Variants in CHD1 observed in about 807,000 individuals in gnomAD.
The protein encoded by CHD1 is chromodomain helicase DNA binding protein 1.
CHD1 carries 36 observed loss-of-function variants against 224.2 expected under a neutral mutation model. That is an observed-to-expected ratio of 0.16 (90% CI 0.12 to 0.21). The LOEUF is 0.21. CHD1 is among the 10% of genes least tolerant of loss of function. The probability of loss-of-function intolerance (pLI) is 1.00; values close to 1 mark genes in which losing one functional copy is unlikely to be tolerated. For synonymous variants in CHD1, 668 were observed against 658.3 expected (o/e 1.01, Z -0.23); for missense variants, 1,378 against 1,994.8 (o/e 0.69, Z 5.89).
Position 98,854,935 on chromosome 5 carries a change from T to C in CHD1, c.*1445A>G, listed in dbSNP as rs557206265. The C allele has an allele frequency of 4.6e-4, 70 of 152,210 alleles. No homozygotes were observed. The highest frequency in any genetic ancestry group is 1.7e-3 in the African/African-American group (69 of 41,542). The allele number at this position is 152,210 out of a possible 1,614,324, so 9.4% of individuals were successfully genotyped here. On this transcript the variant is annotated 3_prime_UTR_variant, in exon 36 of 36. Transcript: ENST00000614616. Reference sequence around the variant, plus strand: ...ATAAAACAAAATAAAAATCTGTGAATAAATATAAAGCATCCCATAATAATA... The same window carrying C: ...ATAAAACAAAATAAAAATCTGTGAACAAATATAAAGCATCCCATAATAATA...
chr5:98,905,255 T>A (rs1751968829), intron 2 of CHD1, among the ~76,000 whole-genome samples, 157 bp from the exon 3 acceptor site: 2 of 152,242 alleles, frequency 1.3e-5, no homozygotes, highest in Non-Finnish European at 2.9e-5. Flanking sequence ...ATTTAATCTA[T>A]AGTAACAACT....
At chr5:98,870,400 C>A (rs1749244298) in intron 29 of CHD1, among the ~76,000 whole-genome samples, 1 of 151,888 alleles carries the variant, frequency 6.6e-6, no homozygotes, top group Non-Finnish European at 1.5e-5. Flanking sequence ...GGCTTGACTT[C>A]TCAAAAAGTA....
At chr5:98,926,217 A>G in intron 2 of CHD1, 117 bp downstream of exon 2, 1 of 620,560 alleles carries the variant, frequency 1.6e-6, no homozygotes, top group Non-Finnish European at 2.8e-6. Flanking sequence ...CTAAGAGGAA[A>G]ACCTGAAAAC....
chr5:98,911,475 AG>A (rs1752418755), intron 2 of CHD1, among the ~76,000 whole-genome samples: 1 of 152,066 alleles, frequency 6.6e-6, no homozygotes, highest in South Asian at 2.1e-4. Context: ...TACTACATCT[AG>A]GGGAAGTTTG....
In CHD1 at chr5:98,904,974, T is replaced by A. The variant is rs879875364; in HGVS notation, c.178A>T (p.Ser60Cys). 20 of 1,604,414 alleles carry A rather than the reference T, an allele frequency of 1.2e-5. No homozygotes were observed. The highest frequency in any genetic ancestry group is 1.7e-5 in the Non-Finnish European group (20 of 1,171,142). The stretch of plus-strand genomic sequence containing the variant: ...GTGTCTGACTCAGACTCTGACTGAC[T>A]GCCTGATTCAGATCCGGAGTCAGAG... ...SDSDSGSESG[S>C]QSESESDTSR... Residue 60 changes from serine (S) to cysteine (C), a missense_variant, in exon 3 of 36, where the codon AGT (serine) becomes TGT (cysteine). Ser to Cys is a moderately radical substitution (Grantham distance 112, BLOSUM62 -1). Transcript: ENST00000614616.
At position 98,898,856 on chromosome 5, in the gene CHD1, C is replaced by T. The variant is rs1024045981; in HGVS notation, c.1086-92G>A. 3.0e-5 allele frequency: 22 copies of T among 730,038 alleles called. No homozygotes were observed. The African/African-American group carries it at 3.5e-4, about 12-fold the overall frequency. 45.2% of individuals were successfully genotyped at this position (730,038 alleles called of 1,614,324 possible). A position where few individuals can be genotyped will look rare whatever the true frequency, so the allele number is the denominator to read the frequency against. On this transcript the variant is annotated intron_variant, in intron 8 of 35. Transcript: ENST00000614616. The stretch of plus-strand genomic sequence containing the variant: ...CCCAACACTATTTGTAGCACAAAAT[C>T]TCCCATTTTGCCACTGTGTGGGCCA...
chr5:98,865,964 G>A (rs466442), intron 31 of CHD1, among the ~76,000 whole-genome samples: 97,402 of 151,992 alleles, frequency 0.64, 33,921 homozygotes, highest in African/African-American at 0.92. Flanking sequence ...GGGAAAAAAA[G>A]GTGGCAAGAG....
chr5:98,905,525 A>T (rs1384780994), intron 2 of CHD1, among the ~76,000 whole-genome samples: 2 of 83,368 alleles, frequency 2.4e-5, no homozygotes, highest in Admixed American at 1.0e-4. Context: ...TAAATGTGTT[A>T]AAAAAAATTC....
intron 2 of CHD1, among the ~76,000 whole-genome samples, chr5:98,905,807 T>C (rs1752013650): frequency 6.6e-6 from 1 of 152,174 alleles, no homozygotes. Context: ...ACTATCCTTT[T>C]TTCCATTTCT....
chr5:98,879,297 T>A (rs112434050), intron 23 of CHD1, among the ~76,000 whole-genome samples: 1 of 151,730 alleles, frequency 6.6e-6, no homozygotes, highest in East Asian at 1.9e-4. Context: ...AAGGAAGAAA[T>A]AATAAATTGT....
chr5:98,911,988 T>C (rs1271062874), intron 2 of CHD1, among the ~76,000 whole-genome samples: 2 of 152,084 alleles, frequency 1.3e-5, no homozygotes, highest in East Asian at 1.9e-4. Flanking sequence ...ATAAACAATA[T>C]AGGCCTTGAG....
At position 98,901,175 on chromosome 5, in the gene CHD1, T is replaced by C; in HGVS notation, c.587+11A>G. ...CCACAATCAATTTTCAGCACCAAAC[T>C]GAGACCATACCTATTTTGAGGTTTT... On this transcript the variant is annotated intron_variant, in intron 6 of 35. Coordinates refer to ENST00000614616, the MANE Select transcript of CHD1 (RefSeq NM_001270.4). 6.2e-7 allele frequency: 1 copy of C among 1,606,334 alleles called. No homozygotes were observed.
chr5:98,905,429 T>C (rs1466647994), intron 2 of CHD1, among the ~76,000 whole-genome samples: 1 of 152,198 alleles, frequency 6.6e-6, no homozygotes, highest in East Asian at 1.9e-4. Flanking sequence ...GGTTAGAAAC[T>C]TTGAGAAGTC....
At chr5:98,899,450 AAAG>A (rs1561526204) in intron 8 of CHD1, 27 bp downstream of exon 8, 2 of 1,330,422 alleles carry the variant, frequency 1.5e-6, no homozygotes, top group South Asian at 2.4e-5. Context: ...TGAACTATTA[AAAG>A]AAGTATATGA....
At chr5:98,904,701 A>C (rs78442244) in intron 3 of CHD1, among the ~76,000 whole-genome samples, 196 bp downstream of exon 3, 392 of 152,350 alleles carry the variant, frequency 2.6e-3, no homozygotes, top group African/African-American at 9.2e-3. Context: ...TGTGTTTTCT[A>C]GTTCGAAAAT....
Position 98,854,427 on chromosome 5 carries a change from A to G in CHD1, c.*1953T>C, listed in dbSNP as rs1747881390. On this transcript the variant is annotated 3_prime_UTR_variant, in exon 36 of 36. Coordinates refer to ENST00000614616, the MANE Select transcript of CHD1 (RefSeq NM_001270.4). ...CCATCTTATGACTTAAGCATTATGA[A>G]TTAGTCAAATGCTATCTTGTGGAAT... 6.6e-6 allele frequency: 1 copy of G among 152,130 alleles called. No homozygotes were observed. Among genetic ancestry groups the G allele is most frequent in the Admixed American group, 6.6e-5 (1 of 15,264 alleles). The allele number at this position is 152,130 out of a possible 1,614,324, so 9.4% of individuals were successfully genotyped here.
chr5:98,866,748 C>A (rs1458449068), intron 31 of CHD1, among the ~76,000 whole-genome samples: 1 of 152,036 alleles, frequency 6.6e-6, no homozygotes, highest in African/African-American at 2.4e-5. Flanking sequence ...CATGACACAT[C>A]TATATATCAG....
intron 17 of CHD1, among the ~76,000 whole-genome samples, chr5:98,887,112 G>A (rs1750700946): frequency 6.6e-6 from 1 of 152,182 alleles, no homozygotes; most frequent in Non-Finnish European, 1.5e-5. Context: ...AAAAACCACT[G>A]AATTGTATAC....
Position 98,855,208 on chromosome 5 carries a change from T to C in CHD1, c.*1172A>G, listed in dbSNP as rs1215919545. The C allele has an allele frequency of 6.6e-6, 1 of 152,622 alleles. No homozygotes were observed. Among genetic ancestry groups the C allele is most frequent in the Non-Finnish European group, 1.5e-5 (1 of 68,092 alleles). The allele number at this position is 152,622 out of a possible 1,614,324, so 9.5% of individuals were successfully genotyped here. A position where few individuals can be genotyped will look rare whatever the true frequency, so the allele number is the denominator to read the frequency against. ...AAAATTACAGGAGCCCACATATCCT[T>C]TTTCTTAAATTTAATTTGTCATATA... On this transcript the variant is annotated 3_prime_UTR_variant, in exon 36 of 36. Transcript: ENST00000614616.
Sources: gnomAD v4.1 joint callset for allele counts (sites outside exome capture counted in the v4.1 genomes callset) on GRCh38, gnomAD v4.1.1 for gene constraint, MANE v1.5 for transcripts, NCBI Gene and HGNC (gene_info 2026-07-23, HGNC 2026-07-21) for gene names.